The following ASCC3 variants were observed in gnomAD, a reference collection of about 807,000 sequenced individuals.
The protein encoded by ASCC3 is ASC-1 complex subunit P200.
A neutral mutation model predicts 256.3 loss-of-function variants in ASCC3; 158 were observed. The ratio of observed to expected loss-of-function variants is 0.62; its 90% CI spans 0.54 to 0.70. The LOEUF (loss-of-function observed/expected upper bound fraction) is 0.70, where lower values mean the gene tolerates loss of function less well. ASCC3 is among the 30% of genes least tolerant of loss of function. ASCC3 has a pLI of 0.00. For missense variants in ASCC3, 2,259 were observed against 2,626.0 expected (o/e 0.86, Z 3.05); for synonymous variants, 948 against 883.4 (o/e 1.07, Z -1.30).
At chr6:100,827,889 A>G (rs17061138) in intron 4 of ASCC3, among the ~76,000 whole-genome samples, 2,178 of 152,142 alleles carry the variant, frequency 0.014, 50 homozygotes, top group African/African-American at 0.05. Flanking sequence ...GGATTTTCAC[A>G]TTTACCCTAT....
intron 13 of ASCC3, among the ~76,000 whole-genome samples, chr6:100,681,927 TAGGTTCAA>T (rs1399939736): frequency 6.6e-6 from 1 of 152,018 alleles, no homozygotes; most frequent in Non-Finnish European, 1.5e-5. Context: ...AACTGCCACA[TAGGTTCAA>T]ATTGTGATAT....
intron 10 of ASCC3, among the ~76,000 whole-genome samples, chr6:100,755,425 T>G (rs1162554295): frequency 6.6e-6 from 1 of 151,902 alleles, no homozygotes; most frequent in East Asian, 1.9e-4. Context: ...TGTAGTGCAG[T>G]GGCACCACCA....
rs781454150 is a variant in ASCC3, at chr6:100,711,126, C to T, written c.2151+4336G>A. ...TAACTTATTCTAATGCGAAGCAATCCTATGTTCCATACTAAAGTACCAGGT... is the reference window on the plus strand; with the variant it reads ...TAACTTATTCTAATGCGAAGCAATCTTATGTTCCATACTAAAGTACCAGGT... On this transcript the variant is annotated intron_variant, in intron 13 of 41. Transcript: ENST00000369162. 5.3e-5 allele frequency among the ~76,000 whole-genome samples: 8 copies of T among 152,058 alleles called. 1 individual carries two copies. Among genetic ancestry groups the T allele is most frequent in the Non-Finnish European group, 1.2e-4 (8 of 68,020 alleles).
intron 17 of ASCC3, 119 bp downstream of exon 17, chr6:100,655,580 T>C: frequency 8.5e-7 from 1 of 1,181,374 alleles, no homozygotes; most frequent in South Asian, 1.4e-5. Flanking sequence ...AATCTCTTGT[T>C]TTTCTTCTAG....
intron 16 of ASCC3, among the ~76,000 whole-genome samples, chr6:100,659,736 T>G (rs1183058323): frequency 6.6e-6 from 1 of 151,574 alleles, no homozygotes; most frequent in Non-Finnish European, 1.5e-5. Context: ...TGCCAACTTG[T>G]GTTTATTTTA....
intron 13 of ASCC3, among the ~76,000 whole-genome samples, chr6:100,703,055 A>C (rs1778420859): frequency 6.6e-6 from 1 of 152,108 alleles, no homozygotes; most frequent in South Asian, 2.1e-4. Context: ...TAAACAAGAC[A>C]TGCCATCTGG....
chr6:100,559,226 T>C (rs944241698), intron 36 of ASCC3, among the ~76,000 whole-genome samples: 1 of 152,156 alleles, frequency 6.6e-6, no homozygotes, highest in Non-Finnish European at 1.5e-5. Context: ...TCAGAATGAC[T>C]TTAGGAACTA....
At chr6:100,516,763 G>A (rs1351092168) in intron 38 of ASCC3, among the ~76,000 whole-genome samples, 1 of 152,098 alleles carries the variant, frequency 6.6e-6, no homozygotes, top group Non-Finnish European at 1.5e-5. Context: ...GAATTTTTGA[G>A]ATTTACAGCA....
intron 10 of ASCC3, among the ~76,000 whole-genome samples, chr6:100,760,554 T>C (rs1310219830): frequency 1.3e-5 from 2 of 152,208 alleles, no homozygotes; most frequent in African/African-American, 2.4e-5. Flanking sequence ...GTAATTATCA[T>C]AAAAATCCTT....
intron 1 of ASCC3, among the ~76,000 whole-genome samples, 161 bp downstream of exon 1, chr6:100,880,900 C>T (rs927597875): frequency 6.6e-6 from 1 of 152,192 alleles, no homozygotes; most frequent in Non-Finnish European, 1.5e-5. Context: ...CCGGACTCGA[C>T]CTCATGCCAC....
chr6:100,770,743 T>C (rs1781879194), intron 8 of ASCC3, among the ~76,000 whole-genome samples: 1 of 151,988 alleles, frequency 6.6e-6, no homozygotes, highest in Non-Finnish European at 1.5e-5. Flanking sequence ...AGCACTCTGT[T>C]ATGAATTTCT....
At chr6:100,786,766 T>C (rs1316396778) in intron 8 of ASCC3, among the ~76,000 whole-genome samples, 1 of 152,154 alleles carries the variant, frequency 6.6e-6, no homozygotes, top group Non-Finnish European at 1.5e-5. Context: ...CTGTTTGTAA[T>C]ACCAATTAAA....
At chr6:100,821,436 C>A (rs1174645540) in intron 4 of ASCC3, among the ~76,000 whole-genome samples, 15 of 151,636 alleles carry the variant, frequency 9.9e-5, no homozygotes, top group African/African-American at 3.6e-4. Context: ...TTCATAAAAA[C>A]CAAAAAATAG....
intron 39 of ASCC3, among the ~76,000 whole-genome samples, chr6:100,513,937 T>C (rs1479037038): frequency 6.6e-6 from 1 of 151,876 alleles, no homozygotes; most frequent in Non-Finnish European, 1.5e-5. Flanking sequence ...AGTTGTTACC[T>C]TCTCAGTTAG....
intron 10 of ASCC3, among the ~76,000 whole-genome samples, chr6:100,730,530 A>G (rs766146158): frequency 9.2e-5 from 14 of 152,160 alleles, no homozygotes; most frequent in Non-Finnish European, 1.5e-4. Flanking sequence ...ACCAGGCAAC[A>G]GCTTGCAAGA....
chr6:100,584,237 T>C (rs1449674384), intron 36 of ASCC3, among the ~76,000 whole-genome samples: 1 of 151,398 alleles, frequency 6.6e-6, no homozygotes, highest in Non-Finnish European at 1.5e-5. Flanking sequence ...TCTTTGTAGG[T>C]CACTCAGGAC....
Position 100,556,551 on chromosome 6 carries a change from G to A in ASCC3, c.5551-16164C>T, listed in dbSNP as rs139402312. On this transcript the variant is annotated intron_variant, in intron 36 of 41. Transcript: ENST00000369162. ...TGTTAATCAGGAGAAAGGGGAAGAA[G>A]TAATTTATAACAGTCTAATGGAAGG... Among the ~76,000 whole-genome samples the A allele has an allele frequency of 2.6e-5, 4 of 152,252 alleles. No individual in the cohort carries two copies. In the East Asian group the frequency reaches 7.7e-4, roughly 29 times the overall value.
chr6:100,610,132 A>G (rs528294150), intron 30 of ASCC3, among the ~76,000 whole-genome samples: 135 of 152,310 alleles, frequency 8.9e-4, no homozygotes, highest in African/African-American at 3.0e-3. Flanking sequence ...GCAACAGGGG[A>G]GAAGTAACTT....
chr6:100,735,497 A>G (rs749140982), intron 10 of ASCC3, among the ~76,000 whole-genome samples: 33 of 152,206 alleles, frequency 2.2e-4, no homozygotes, highest in Middle Eastern at 6.8e-3. Flanking sequence ...CCTTATGTGA[A>G]GAGTCCATTC....
Sources: gnomAD v4.1 joint callset for allele counts (sites outside exome capture counted in the v4.1 genomes callset) on GRCh38, gnomAD v4.1.1 for gene constraint, MANE v1.5 for transcripts, NCBI Gene and HGNC (gene_info 2026-07-23, HGNC 2026-07-21) for gene names.